Variants in DLGAP3 observed in about 807,000 individuals in gnomAD.
DLGAP3 encodes the protein DLG associated protein 3.
Under a neutral mutation model 81.2 loss-of-function variants are expected in DLGAP3, and 17 were observed. That is an observed-to-expected ratio of 0.21 (90% CI 0.14 to 0.31). The LOEUF is 0.31. Ranked by LOEUF, DLGAP3 falls within the 10% of genes least tolerant of loss-of-function variation. The pLI is 1.00. For missense variants in DLGAP3, 1,124 were observed against 1,388.0 expected, an observed-to-expected ratio of 0.81 and a Z score of 3.02; for synonymous variants, 577 against 587.4, an observed-to-expected ratio of 0.98 and a Z score of 0.26.
chr1:34,885,594 C>G lies in DLGAP3; in HGVS notation c.1798G>C (p.Val600Leu), dbSNP rs760745553. 43 of 1,591,042 alleles carry G rather than the reference C, an allele frequency of 2.7e-5. No homozygotes were observed. The highest frequency in any genetic ancestry group is 3.1e-5 in the Non-Finnish European group (36 of 1,173,932). Residue 600 changes from valine (V) to leucine (L), a missense_variant, in exon 7 of 12, where the codon GTG becomes CTG. Val to Leu is a conservative substitution (Grantham distance 32). This residue lies in a region of DLGAP3 where 379 missense variants were observed against 455.7 expected (regional missense o/e 0.83). Transcript: ENST00000373347. ...GGCTTGGGGCTGGCCCGGGGCGGCACCGGCGCCAACTCCAGTGTGCGCGCA... is the reference window on the plus strand; with the variant it reads ...GGCTTGGGGCTGGCCCGGGGCGGCAGCGGCGCCAACTCCAGTGTGCGCGCA... ...MGARTLELAP[V>L]PPRASPKPPT... is the part of the protein sequence containing the mutation.
Position 34,900,693 on chromosome 1 carries a change from G to A in DLGAP3, c.1108-420C>T, listed in dbSNP as rs556353827. ...CTTCCCCGCTGTGGGGAGCCACAGA[G>A]GGCTTCATGCAGGGGAGTGACATCA... On this transcript the variant is annotated intron_variant, in intron 3 of 11. Coordinates refer to ENST00000373347, the MANE Select transcript of DLGAP3 (RefSeq NM_001080418.3). This position sits in a 1 kb window ranked among gnomAD's most constrained non-coding sequence, Gnocchi z 5.6. Among the ~76,000 whole-genome samples, 100 of 152,344 alleles carry A rather than the reference G, an allele frequency of 6.6e-4. No homozygotes were observed. Among genetic ancestry groups the A allele is most frequent in the Non-Finnish European group, 1.1e-3 (73 of 68,034 alleles).
Position 34,904,386 on chromosome 1 carries a change from T to C in DLGAP3, c.998A>G (p.His333Arg). 6.2e-7 allele frequency: 1 copy of C among 1,613,780 alleles called. No homozygotes were observed. Among genetic ancestry groups the C allele is most frequent in the South Asian group, 1.1e-5 (1 of 91,092 alleles). Residue 333 changes from histidine (H) to arginine (R), a missense_variant, in exon 3 of 12, where the codon CAT becomes CGT. By Grantham distance (29) the His-to-Arg change is conservative. Transcript: ENST00000373347. This position sits in a 1 kb window ranked among gnomAD's most constrained non-coding sequence, Gnocchi z 8.1. ...DGQSVKRSAW[H>R]TMMVSQGRDG... ...CCGGCCCTGGCTGACCATCATGGTATGCCAGGCACTTCGCTTGACCGACTG... is the reference window on the plus strand; with the variant it reads ...CCGGCCCTGGCTGACCATCATGGTACGCCAGGCACTTCGCTTGACCGACTG...
At chr1:34,878,395 T>C (rs1639091216) in intron 8 of DLGAP3, among the ~76,000 whole-genome samples, 1 of 151,976 alleles carries the variant, frequency 6.6e-6, no homozygotes, top group Admixed American at 6.5e-5. Context: ...GAAAAAGATG[T>C]ATTGGAAAAT....
intron 1 of DLGAP3, among the ~76,000 whole-genome samples, chr1:34,914,250 C>T (rs747038162): frequency 1.3e-5 from 2 of 152,232 alleles, no homozygotes; most frequent in Non-Finnish European, 2.9e-5. Context: ...ATCAGCCTCA[C>T]TCCTTCATGC....
At chr1:34,918,086 A>G (rs540951344) in intron 1 of DLGAP3, among the ~76,000 whole-genome samples, 1 of 152,270 alleles carries the variant, frequency 6.6e-6, no homozygotes, top group East Asian at 1.9e-4. Context: ...CACAGGCAGA[A>G]CCCTCAGAGG....
intron 8 of DLGAP3, among the ~76,000 whole-genome samples, chr1:34,880,445 A>G (rs967060982): frequency 2.0e-5 from 3 of 152,206 alleles, no homozygotes; most frequent in Non-Finnish European, 4.4e-5. Context: ...GGAAATAAAA[A>G]GGGAGCCAAG....
chr1:34,881,864 C>A (rs1258447346), intron 8 of DLGAP3, among the ~76,000 whole-genome samples: 1 of 152,088 alleles, frequency 6.6e-6, no homozygotes, highest in Non-Finnish European at 1.5e-5. Context: ...AAATAAGATG[C>A]TTATCCAACT....
In DLGAP3 at chr1:34,885,484, C is replaced by T. The variant is rs769591299; in HGVS notation, c.1908G>A (p.Gly636=). 2 of 1,606,496 alleles carry T rather than the reference C, an allele frequency of 1.2e-6. No individual in the cohort carries two copies. Among genetic ancestry groups the T allele is most frequent in the Non-Finnish European group, 1.7e-6 (2 of 1,179,786 alleles). Residue 636 remains glycine (G), a synonymous_variant, in exon 7 of 12, where the codon GGG becomes GGA. Transcript: ENST00000373347. ...GCGCCTCCCCGTTCCATACCTGCACCCCAATGGACGGCCGCCACTTCCGCT... is the reference window on the plus strand; with the variant it reads ...GCGCCTCCCCGTTCCATACCTGCACTCCAATGGACGGCCGCCACTTCCGCT... ...ARQRKWRPSI[G]VQVETISDSD...
chr1:34,912,192 G>A (rs1405969125), intron 1 of DLGAP3, among the ~76,000 whole-genome samples: 1 of 152,150 alleles, frequency 6.6e-6, no homozygotes, highest in Non-Finnish European at 1.5e-5. Context: ...ACTCACTAAC[G>A]GTAGCTATCT....
chr1:34,925,099 C>T (rs1186986979), intron 1 of DLGAP3, among the ~76,000 whole-genome samples: 1 of 152,110 alleles, frequency 6.6e-6, no homozygotes, highest in Non-Finnish European at 1.5e-5. Flanking sequence ...AACAGGTTTA[C>T]CCCACCACAC....
At chr1:34,913,432 C>T (rs1639668903) in intron 1 of DLGAP3, among the ~76,000 whole-genome samples, 1 of 152,168 alleles carries the variant, frequency 6.6e-6, no homozygotes, top group Non-Finnish European at 1.5e-5. Context: ...CCCAGATATT[C>T]CCATGGCTTC....
chr1:34,894,588 C>T (rs1157326293), intron 5 of DLGAP3, among the ~76,000 whole-genome samples: 1 of 152,178 alleles, frequency 6.6e-6, no homozygotes. Context: ...AGAATATCTT[C>T]AAAACACTTA....
chr1:34,920,796 A>G (rs1393113584), intron 1 of DLGAP3, among the ~76,000 whole-genome samples: 1 of 152,232 alleles, frequency 6.6e-6, no homozygotes, highest in Admixed American at 6.5e-5. Flanking sequence ...AGATACAGCA[A>G]TGAACAAAAC....
chr1:34,926,504 AC>A (rs1336083369), intron 1 of DLGAP3, among the ~76,000 whole-genome samples: 2 of 152,276 alleles, frequency 1.3e-5, no homozygotes, highest in East Asian at 1.9e-4. Context: ...AGTGGAGGGT[AC>A]GCAGCTGTTC....
At position 34,867,134 on chromosome 1, in the gene DLGAP3, G is replaced by A. The variant is rs1638896568; in HGVS notation, c.2635C>T (p.Leu879=). Residue 879 remains leucine, a synonymous_variant, in exon 11 of 12, where the codon CTA becomes TTA. Coordinates refer to ENST00000373347, the MANE Select transcript of DLGAP3 (RefSeq NM_001080418.3). This position sits in a 1 kb window ranked among gnomAD's most constrained non-coding sequence, Gnocchi z 4.3. ...FQDLAGFWDL[L]QLSIEDVTLK... ...GTCACATCCTCGATGGAGAGCTGTA[G>A]GAGGTCCCAGAAACCCGCCAGGTCC... is the stretch of plus-strand genomic sequence containing the variant. 6.2e-7 allele frequency: 1 copy of A among 1,614,244 alleles called. No individual in the cohort carries two copies. Among genetic ancestry groups the A allele is most frequent in the African/African-American group, 1.3e-5 (1 of 75,060 alleles).
intron 1 of DLGAP3, among the ~76,000 whole-genome samples, chr1:34,923,573 G>A (rs1412210622): frequency 6.6e-6 from 1 of 152,074 alleles, no homozygotes; most frequent in African/African-American, 2.4e-5. Context: ...TGTGGGGGTG[G>A]AGGGGTGACT....
At chr1:34,916,212 G>A (rs1249800574) in intron 1 of DLGAP3, among the ~76,000 whole-genome samples, 2 of 152,180 alleles carry the variant, frequency 1.3e-5, no homozygotes, top group African/African-American at 4.8e-5. Flanking sequence ...GAACTCCCCA[G>A]CAGATAGAAC....
rs113689831 is a variant in DLGAP3, at chr1:34,899,190, T to A, written c.1386+479A>T. Among the ~76,000 whole-genome samples, 771 of 150,154 alleles carry A rather than the reference T, an allele frequency of 5.1e-3. 9 individuals carry two copies. Among genetic ancestry groups the A allele is most frequent in the African/African-American group, 0.019 (757 of 40,902 alleles). Reference sequence around the variant, plus strand: ...TTCTCGCCATTCTCCTGCCTCAGCCTCCCGAGTAGCTGGGACTACAGGCAC... The same window carrying A: ...TTCTCGCCATTCTCCTGCCTCAGCCACCCGAGTAGCTGGGACTACAGGCAC... On this transcript the variant is annotated intron_variant, in intron 5 of 11. Coordinates refer to ENST00000373347, the MANE Select transcript of DLGAP3 (RefSeq NM_001080418.3).
chr1:34,924,577 G>A (rs1472983838), intron 1 of DLGAP3, among the ~76,000 whole-genome samples: 2 of 152,156 alleles, frequency 1.3e-5, no homozygotes, highest in African/African-American at 2.4e-5. Flanking sequence ...GAAGACCGGC[G>A]TTCTCTTAAT....
Sources: gnomAD v4.1 joint callset for allele counts (sites outside exome capture counted in the v4.1 genomes callset) on GRCh38, gnomAD v4.1.1 for gene constraint, gnomAD v4.1.1 regional missense constraint, Gnocchi (gnomAD v3.1) non-coding constraint, MANE v1.5 for transcripts, NCBI Gene and HGNC (gene_info 2026-07-23, HGNC 2026-07-21) for gene names.